The following PRDM5 variants were observed in gnomAD, a reference collection of about 807,000 sequenced individuals.
PRDM5 encodes the protein PR/SET domain 5, also known as PR domain zinc finger protein 5.
PRDM5 carries 56 observed loss-of-function variants against 81.2 expected under a neutral mutation model. The ratio of observed to expected loss-of-function variants is 0.69; its 90% CI spans 0.56 to 0.86. The LOEUF (loss-of-function observed/expected upper bound fraction) is 0.86. Among genes scored for constraint, PRDM5 ranks in the 40% least tolerant of loss-of-function variants. The pLI, the probability that PRDM5 is intolerant of heterozygous loss-of-function variation, is 0.00. For missense variants in PRDM5, 697 were observed against 770.1 expected (o/e 0.91, Z 1.12); for synonymous variants, 267 against 256.4 (o/e 1.04, Z -0.39).
At chr4:120,885,221 T>C (rs991859358) in intron 2 of PRDM5, among the ~76,000 whole-genome samples, 2 of 150,222 alleles carry the variant, frequency 1.3e-5, no homozygotes, top group Admixed American at 6.6e-5. Context: ...GGAGATCTAC[T>C]AGGAGAAGAA....
intron 3 of PRDM5, among the ~76,000 whole-genome samples, chr4:120,833,014 C>T (rs1756907014): frequency 1.3e-5 from 2 of 152,160 alleles, no homozygotes; most frequent in South Asian, 2.1e-4. Context: ...GTATTGAATA[C>T]CCACACACAT....
chr4:120,915,868 C>T (rs1378627363), intron 1 of PRDM5, among the ~76,000 whole-genome samples: 2 of 152,220 alleles, frequency 1.3e-5, no homozygotes, highest in Admixed American at 1.3e-4. Flanking sequence ...CATAAGAGGG[C>T]GAATGGAACA....
chr4:120,784,412 C>G (rs2149247499), intron 11 of PRDM5, among the ~76,000 whole-genome samples: 1 of 152,254 alleles, frequency 6.6e-6, no homozygotes, highest in African/African-American at 2.4e-5. Flanking sequence ...AAAATTGCCT[C>G]TGACAAAAGA....
rs72921557 is a variant in PRDM5 at position 120,799,846 on chromosome 4, T to C, written c.946-101A>G. On this transcript the variant is annotated intron_variant, in intron 8 of 15. Coordinates refer to ENST00000264808, the MANE Select transcript of PRDM5 (RefSeq NM_018699.4). Reference sequence around the variant, plus strand: ...AACATGTGAACAGCTGCCACTGCAATACCCAAACTATATATTACAATTCAG... The same window carrying C: ...AACATGTGAACAGCTGCCACTGCAACACCCAAACTATATATTACAATTCAG... The C allele has an allele frequency of 7.8e-4, 1,198 of 1,526,230 alleles. 5 individuals are homozygous for C. The African/African-American group carries it at 0.015, about 19-fold the overall frequency. 94.5% of individuals were successfully genotyped at this position (1,526,230 alleles called of 1,614,324 possible).
At chr4:120,889,631 T>C (rs1561622495) in intron 2 of PRDM5, among the ~76,000 whole-genome samples, 1 of 152,226 alleles carries the variant, frequency 6.6e-6, no homozygotes, top group African/African-American at 2.4e-5. Context: ...GTTTCTTATA[T>C]AGATAAACTG....
intron 3 of PRDM5, among the ~76,000 whole-genome samples, chr4:120,839,802 G>A (rs750133915): frequency 2.0e-5 from 3 of 152,176 alleles, no homozygotes; most frequent in Non-Finnish European, 2.9e-5. Flanking sequence ...AGGCCACACT[G>A]AGCTGCCCTC....
rs1752717129 is a variant in PRDM5 at position 120,805,100 on chromosome 4, G to A, written c.946-5355C>T. 3.3e-5 allele frequency among the ~76,000 whole-genome samples: 5 copies of A among 152,152 alleles called. No homozygotes were observed. In the South Asian group the frequency reaches 1.0e-3, roughly 32 times the overall value. On this transcript the variant is annotated intron_variant, in intron 8 of 15. Transcript: ENST00000264808. ...CTACGCAAATAAACTAGAAAATCTA[G>A]AAGAAATGGATACATTCCTCGACAC...
chr4:120,802,517 G>T (rs1416551664), intron 8 of PRDM5, among the ~76,000 whole-genome samples: 1 of 152,222 alleles, frequency 6.6e-6, no homozygotes, highest in African/African-American at 2.4e-5. Flanking sequence ...ACTTCCAGAG[G>T]AATGATCAGG....
At chr4:120,791,849 A>C (rs78974390) in intron 10 of PRDM5, among the ~76,000 whole-genome samples, 30,296 of 152,214 alleles carry the variant, frequency 0.2, 3,674 homozygotes, top group Non-Finnish European at 0.28. Context: ...TAGTGCCGTT[A>C]TCAAAAGAGA....
At chr4:120,800,240 A>T (rs114937555) in intron 8 of PRDM5, among the ~76,000 whole-genome samples, 60 of 152,262 alleles carry the variant, frequency 3.9e-4, no homozygotes, top group African/African-American at 1.4e-3. Context: ...CATGAGCCAG[A>T]TGCAGTGGCT....
At chr4:120,915,853 C>G (rs893686357) in intron 1 of PRDM5, among the ~76,000 whole-genome samples, 3 of 152,104 alleles carry the variant, frequency 2.0e-5, no homozygotes, top group Non-Finnish European at 4.4e-5. Context: ...GGCAGAGAAA[C>G]CCTACATAAG....
chr4:120,740,755 C>T (rs1036401536), intron 14 of PRDM5, among the ~76,000 whole-genome samples: 1 of 152,204 alleles, frequency 6.6e-6, no homozygotes, highest in East Asian at 1.9e-4. Context: ...TCCTTCAATT[C>T]TTGCTGGAGA....
At chr4:120,914,743 T>C (rs1475063843) in intron 1 of PRDM5, among the ~76,000 whole-genome samples, 1 of 152,128 alleles carries the variant, frequency 6.6e-6, no homozygotes, top group Non-Finnish European at 1.5e-5. Context: ...CATAAAGAGA[T>C]GGAATCAACC....
intron 3 of PRDM5, among the ~76,000 whole-genome samples, chr4:120,822,313 A>G (rs1016722963): frequency 6.6e-6 from 1 of 152,256 alleles, no homozygotes; most frequent in African/African-American, 2.4e-5. Flanking sequence ...AAAGAAAAGC[A>G]AAACAGAGAC....
intron 15 of PRDM5, among the ~76,000 whole-genome samples, chr4:120,709,792 AT>A (rs1270356174): frequency 6.6e-6 from 1 of 152,156 alleles, no homozygotes; most frequent in Non-Finnish European, 1.5e-5. Context: ...AATGTATGCT[AT>A]GTCAAATAAT....
intron 14 of PRDM5, among the ~76,000 whole-genome samples, chr4:120,751,367 G>C (rs572897170): frequency 1.3e-5 from 2 of 151,640 alleles, no homozygotes; most frequent in Non-Finnish European, 2.9e-5. Flanking sequence ...GAAAAACACC[G>C]AGATTTTTTT....
intron 10 of PRDM5, among the ~76,000 whole-genome samples, chr4:120,796,541 T>G (rs1751376715): frequency 6.6e-6 from 1 of 152,080 alleles, no homozygotes; most frequent in Non-Finnish European, 1.5e-5. Flanking sequence ...AATAAGAGGG[T>G]TCCAGAGACT....
chr4:120,753,937 T>C (rs1393213319), intron 14 of PRDM5, among the ~76,000 whole-genome samples: 1 of 152,182 alleles, frequency 6.6e-6, no homozygotes, highest in African/African-American at 2.4e-5. Flanking sequence ...GCTTACATTT[T>C]TTTAAAAGCA....
intron 13 of PRDM5, among the ~76,000 whole-genome samples, chr4:120,761,427 T>A (rs1460922914): frequency 1.3e-5 from 2 of 152,208 alleles, no homozygotes; most frequent in Non-Finnish European, 2.9e-5. Context: ...GTTTAATATA[T>A]GCCTTTCAGA....
Sources: allele counts gnomAD v4.1 joint callset (sites outside exome capture counted in the v4.1 genomes callset), GRCh38; gene constraint gnomAD v4.1.1; transcripts MANE v1.5; gene names NCBI Gene and HGNC (gene_info 2026-07-23, HGNC 2026-07-21).